NCAM2: variants seen among roughly 807,000 people sequenced by gnomAD.
NCAM2 encodes the protein neural cell adhesion molecule 2.
A neutral mutation model predicts 98.1 loss-of-function variants in NCAM2; 30 were observed. The observed-to-expected ratio is 0.31, with a 90% CI of 0.23 to 0.41. The LOEUF (loss-of-function observed/expected upper bound fraction) is 0.41. Among genes scored for constraint, NCAM2 ranks in the 10% least tolerant of loss-of-function variants. The pLI is 1.00. For synonymous variants in NCAM2, 368 were observed against 342.4 expected, an observed-to-expected ratio of 1.07 and a Z score of -0.83; for missense variants, 867 against 1,005.8, an observed-to-expected ratio of 0.86 and a Z score of 1.87.
intron 11 of NCAM2, among the ~76,000 whole-genome samples, chr21:21,430,176 A>T (rs963280421): frequency 6.6e-6 from 1 of 151,026 alleles, no homozygotes; most frequent in African/African-American, 2.4e-5. Context: ...TCACAGGCAC[A>T]CTCCACTACA....
intron 12 of NCAM2, among the ~76,000 whole-genome samples, chr21:21,435,184 A>T (rs62214325): frequency 1.3e-5 from 2 of 152,116 alleles, no homozygotes; most frequent in African/African-American, 4.8e-5. Context: ...ACCAAGAGAA[A>T]TGCTCCACAT....
At chr21:21,104,661 A>G (rs914821926) in intron 1 of NCAM2, among the ~76,000 whole-genome samples, 2 of 152,148 alleles carry the variant, frequency 1.3e-5, no homozygotes, top group Non-Finnish European at 2.9e-5. Flanking sequence ...TATGCAAGAA[A>G]TAGAAAGAAG....
chr21:21,222,953 T>C (rs1327991702), intron 1 of NCAM2, among the ~76,000 whole-genome samples: 2 of 152,282 alleles, frequency 1.3e-5, no homozygotes. Context: ...CACAACCACC[T>C]CAATCTTCAG....
At chr21:21,024,498 A>G (rs535448412) in intron 1 of NCAM2, among the ~76,000 whole-genome samples, 1 of 152,338 alleles carries the variant, frequency 6.6e-6, no homozygotes, top group East Asian at 1.9e-4. Context: ...AAAGGTATAA[A>G]TGACTTCAAT....
intron 17 of NCAM2, 137 bp from the exon 18 acceptor site, chr21:21,537,709 A>G: frequency 2.4e-6 from 1 of 422,080 alleles, no homozygotes; most frequent in Non-Finnish European, 4.3e-6. Flanking sequence ...TCTCTATAAA[A>G]TAGTAACTTA....
intron 1 of NCAM2, among the ~76,000 whole-genome samples, chr21:21,059,151 T>G (rs1350516175): frequency 6.6e-6 from 1 of 152,120 alleles, no homozygotes; most frequent in Non-Finnish European, 1.5e-5. Context: ...TGCCATCTTC[T>G]TTGCATTTCT....
chr21:21,328,523 T>C (rs1045210850), intron 6 of NCAM2, among the ~76,000 whole-genome samples: 2 of 151,684 alleles, frequency 1.3e-5, no homozygotes, highest in Non-Finnish European at 2.9e-5. Flanking sequence ...GTGGAAGACA[T>C]TGATATTGAT....
Position 21,222,367 on chromosome 21 carries a change from C to T in NCAM2, c.56-58211C>T, listed in dbSNP as rs373346800. Among the ~76,000 whole-genome samples, 42 of 152,150 alleles carry T rather than the reference C, an allele frequency of 2.8e-4. No homozygotes were observed. The East Asian group carries it at 7.7e-3, about 28-fold the overall frequency. ...GCTGTAGCTTTTATAGATAGTGATT[C>T]CTCTGATGGATCTGGGCAAAGTAAA... On this transcript the variant is annotated intron_variant, in intron 1 of 17. Coordinates refer to ENST00000400546, the MANE Select transcript of NCAM2 (RefSeq NM_004540.5).
chr21:21,494,611 G>A (rs1295935205), intron 15 of NCAM2, among the ~76,000 whole-genome samples: 1 of 151,076 alleles, frequency 6.6e-6, no homozygotes, highest in African/African-American at 2.5e-5. Context: ...GAGTTAGTAA[G>A]ATAATAGCAA....
intron 9 of NCAM2, among the ~76,000 whole-genome samples, chr21:21,405,816 G>T (rs1007094024): frequency 9.9e-5 from 15 of 152,044 alleles, no homozygotes; most frequent in African/African-American, 3.6e-4. Flanking sequence ...AAAATGGAAG[G>T]CATTTTAACA....
intron 9 of NCAM2, chr21:21,385,843 A>AATAG: frequency 6.1e-6 from 1 of 163,346 alleles, no homozygotes; most frequent in Non-Finnish European, 1.3e-5. Flanking sequence ...AGACTTAATT[A>AATAG]TTTTATGTAT....
chr21:21,143,121 G>A (rs2067203182), intron 1 of NCAM2, among the ~76,000 whole-genome samples: 1 of 152,134 alleles, frequency 6.6e-6, no homozygotes, highest in Non-Finnish European at 1.5e-5. Flanking sequence ...TGTTCATCGG[G>A]ATTTTAACAT....
At chr21:21,129,607 C>T (rs1191494863) in intron 1 of NCAM2, among the ~76,000 whole-genome samples, 1 of 152,106 alleles carries the variant, frequency 6.6e-6, no homozygotes, top group African/African-American at 2.4e-5. Context: ...CTGGTGAGGG[C>T]TGGCGATTTG....
At chr21:21,351,640 T>A (rs1464165013) in intron 8 of NCAM2, among the ~76,000 whole-genome samples, 1 of 152,346 alleles carries the variant, frequency 6.6e-6, no homozygotes, top group East Asian at 1.9e-4. Flanking sequence ...TGAGATTGTA[T>A]GTTCAAAGTG....
At chr21:21,401,603 C>T (rs2076631614) in intron 9 of NCAM2, among the ~76,000 whole-genome samples, 3 of 152,162 alleles carry the variant, frequency 2.0e-5, no homozygotes, top group Admixed American at 2.0e-4. Flanking sequence ...AAGATAACAT[C>T]CTCCAGATTC....
intron 9 of NCAM2, among the ~76,000 whole-genome samples, chr21:21,397,402 C>T (rs2076533729): frequency 6.6e-6 from 1 of 152,196 alleles, no homozygotes; most frequent in Non-Finnish European, 1.5e-5. Flanking sequence ...CTATAGGCCC[C>T]TGCTGAGCCA....
At chr21:21,320,001 A>G (rs1405426761) in intron 5 of NCAM2, among the ~76,000 whole-genome samples, 1 of 152,194 alleles carries the variant, frequency 6.6e-6, no homozygotes, top group African/African-American at 2.4e-5. Context: ...TTAATGAGCC[A>G]AATTTGATCC....
intron 1 of NCAM2, among the ~76,000 whole-genome samples, chr21:21,218,592 A>C (rs2070006213): frequency 6.6e-6 from 1 of 152,330 alleles, no homozygotes; most frequent in East Asian, 1.9e-4. Context: ...GAGTCCTTAA[A>C]ATAGTTTGAG....
chr21:21,077,160 C>T (rs2065697422), intron 1 of NCAM2, among the ~76,000 whole-genome samples: 1 of 152,140 alleles, frequency 6.6e-6, no homozygotes, highest in Admixed American at 6.6e-5. Context: ...AACTTTATGG[C>T]AACATCGTTT....
Sources: gnomAD v4.1 joint callset for allele counts (sites outside exome capture counted in the v4.1 genomes callset) on GRCh38, gnomAD v4.1.1 for gene constraint, MANE v1.5 for transcripts, NCBI Gene and HGNC (gene_info 2026-07-23, HGNC 2026-07-21) for gene names.